FAM169A: variants seen among roughly 807,000 people sequenced by gnomAD.
FAM169A encodes family with sequence similarity 169 member A.
In FAM169A, 24 loss-of-function variants were observed where a neutral mutation model predicts 75.7. The ratio of observed to expected loss-of-function variants is 0.32; its 90% CI spans 0.23 to 0.45. The LOEUF (loss-of-function observed/expected upper bound fraction) is 0.45. Ranked by LOEUF, FAM169A falls within the 20% of genes least tolerant of loss-of-function variation. FAM169A has a pLI of 1.00. For synonymous variants in FAM169A, 271 were observed against 271.0 expected, an observed-to-expected ratio of 1.00 and a Z score of 0.00; for missense variants, 673 against 784.0, an observed-to-expected ratio of 0.86 and a Z score of 1.69.
At chr5:74,796,445 GCC>G (rs1260707909) in intron 10 of FAM169A, among the ~76,000 whole-genome samples, 2 of 148,284 alleles carry the variant, frequency 1.3e-5, no homozygotes, top group East Asian at 4.0e-4. Flanking sequence ...TCGCTCTGTT[GCC>G]CAGGCTGGAG....
chr5:74,792,071 G>A (rs1454634992), intron 11 of FAM169A, among the ~76,000 whole-genome samples: 2 of 152,068 alleles, frequency 1.3e-5, no homozygotes, highest in African/African-American at 4.8e-5. Flanking sequence ...TTTGGGTTGG[G>A]GGTTTCCACT....
chr5:74,824,702 CACACAT>C (rs1483745318), intron 5 of FAM169A, among the ~76,000 whole-genome samples: 1 of 124,762 alleles, frequency 8.0e-6, no homozygotes, highest in African/African-American at 4.5e-5. Context: ...TCCTGATACA[CACACAT>C]ACACACACAC....
intron 5 of FAM169A, among the ~76,000 whole-genome samples, chr5:74,818,363 G>A (rs1202912968): frequency 6.6e-6 from 1 of 152,148 alleles, no homozygotes; most frequent in Middle Eastern, 3.2e-3. Context: ...GGACTGTGGG[G>A]TAAAGGAAAT....
In FAM169A at chr5:74,813,884, T is replaced by A; in HGVS notation, c.626A>T (p.Asp209Val). ...CAGTGGATACCGCAAGCCAAGCGCA[T>A]CTTCTGTAAAGGAATCAACAAAGTC... ...LEDFVDSFTEDALGLRYPLSS... is the reference protein window; with the variant it reads ...LEDFVDSFTEVALGLRYPLSS... Residue 209 changes from aspartate (D) to valine (V), a missense_variant, in exon 6 of 13, where the codon GAT becomes GTT. Physicochemically the swap from Asp to Val is radical, Grantham distance 152 (BLOSUM62 -3). Transcript: ENST00000687041. 1 of 1,604,462 alleles carries A rather than the reference T, an allele frequency of 6.2e-7. No individual in the cohort carries two copies. The highest frequency in any genetic ancestry group is 2.2e-5 in the East Asian group (1 of 44,598).
rs542089468 is a variant in FAM169A, at chr5:74,788,632, G to A, written c.1261-5498C>T. On this transcript the variant is annotated intron_variant, in intron 11 of 12. Transcript: ENST00000687041. The stretch of plus-strand genomic sequence containing the variant: ...AGACAGGAGAATCGCTTGAACCTAC[G>A]AGGTGGAGGTTGCGGTGAGCCAAGA... 3.3e-5 allele frequency among the ~76,000 whole-genome samples: 5 copies of A among 152,034 alleles called. No individual in the cohort carries two copies. In the East Asian group the frequency reaches 9.7e-4, roughly 29 times the overall value.
At chr5:74,793,474 G>A (rs777837842) in intron 11 of FAM169A, among the ~76,000 whole-genome samples, 5 of 152,092 alleles carry the variant, frequency 3.3e-5, no homozygotes, top group Admixed American at 6.6e-5. Context: ...ACCAAACATC[G>A]TATGTTCTCA....
chr5:74,799,699 AGT>A, intron 10 of FAM169A: 1 of 1,256,100 alleles, frequency 8.0e-7, no homozygotes, highest in South Asian at 1.2e-5. Flanking sequence ...TGCCTCAAAA[AGT>A]GTGCATGTCT....
At chr5:74,785,592 C>T in intron 11 of FAM169A, among the ~76,000 whole-genome samples, 1 of 152,096 alleles carries the variant, frequency 6.6e-6, no homozygotes, top group East Asian at 1.9e-4. Flanking sequence ...GCAAAAACCC[C>T]ATCTCTACTG....
intron 8 of FAM169A, among the ~76,000 whole-genome samples, chr5:74,803,480 A>C (rs898421762): frequency 6.6e-6 from 1 of 152,142 alleles, no homozygotes; most frequent in African/African-American, 2.4e-5. Context: ...AAATAAGCAC[A>C]AATAATTCCC....
chr5:74,836,472 A>G (rs1580145156), intron 4 of FAM169A, among the ~76,000 whole-genome samples: 1 of 152,230 alleles, frequency 6.6e-6, no homozygotes, highest in East Asian at 1.9e-4. Context: ...TCCCGTCCAT[A>G]TAATTGAGCA....
chr5:74,829,159 T>C (rs188108480), intron 5 of FAM169A, among the ~76,000 whole-genome samples: 1 of 152,312 alleles, frequency 6.6e-6, no homozygotes, highest in Admixed American at 6.5e-5. Context: ...TTCTGTGTCA[T>C]AAAAAGGCTT....
At chr5:74,834,138 G>A (rs1242715501) in intron 5 of FAM169A, among the ~76,000 whole-genome samples, 5 of 152,074 alleles carry the variant, frequency 3.3e-5, no homozygotes, top group Admixed American at 6.6e-5. Flanking sequence ...AAATGTGAGG[G>A]CTAGAAGATA....
intron 1 of FAM169A, among the ~76,000 whole-genome samples, chr5:74,855,318 C>T (rs574021046): frequency 2.6e-5 from 4 of 152,316 alleles, no homozygotes; most frequent in East Asian, 1.9e-4. Flanking sequence ...ACCTCAGCCT[C>T]CCCAGTAGCT....
intron 1 of FAM169A, among the ~76,000 whole-genome samples, chr5:74,852,282 C>T (rs1411543575): frequency 6.6e-6 from 1 of 152,114 alleles, no homozygotes; most frequent in East Asian, 1.9e-4. Flanking sequence ...CAATTCTGTG[C>T]TTTTGGGCCT....
chr5:74,841,916 C>T (rs991466707), intron 1 of FAM169A, among the ~76,000 whole-genome samples: 1 of 152,186 alleles, frequency 6.6e-6, no homozygotes, highest in South Asian at 2.1e-4. Flanking sequence ...TTAACAGATA[C>T]GTCCTTACAT....
chr5:74,789,310 T>G (rs1470446016), intron 11 of FAM169A, among the ~76,000 whole-genome samples: 2 of 152,192 alleles, frequency 1.3e-5, no homozygotes, highest in African/African-American at 4.8e-5. Flanking sequence ...TCAGGGACCT[T>G]CTACCTCAGT....
chr5:74,840,443 T>C (rs1748797906), intron 2 of FAM169A, among the ~76,000 whole-genome samples: 1 of 151,314 alleles, frequency 6.6e-6, no homozygotes, highest in African/African-American at 2.4e-5. Flanking sequence ...AGCTATAATA[T>C]GGCCCATAAA....
chr5:74,779,779 T>C lies in FAM169A; in HGVS notation c.*1681A>G, dbSNP rs1425704218. 1.3e-5 allele frequency: 2 copies of C among 152,212 alleles called. No homozygotes were observed. 9.4% of individuals were successfully genotyped at this position (152,212 alleles called of 1,614,324 possible). ...AAAATCTAACACAAATAGGAGCGTT[T>C]ACTATTTTTGTCTGCTTTAAGATTT... On this transcript the variant is annotated 3_prime_UTR_variant, in exon 13 of 13. Coordinates refer to ENST00000687041, the MANE Select transcript of FAM169A (RefSeq NM_001376049.1).
chr5:74,838,988 G>A lies in FAM169A; in HGVS notation c.295C>T (p.Pro99Ser). 2 of 1,613,544 alleles carry A rather than the reference G, an allele frequency of 1.2e-6. No individual in the cohort carries two copies. Among genetic ancestry groups the A allele is most frequent in the Non-Finnish European group, 8.5e-7 (1 of 1,179,566 alleles). The change falls in exon 4 of 13, where the codon CCT (proline) becomes TCT (serine). Residue 99 changes from proline (P) to serine (S), a missense_variant. Pro to Ser is a moderately conservative substitution (Grantham distance 74). Coordinates refer to ENST00000687041, the MANE Select transcript of FAM169A (RefSeq NM_001376049.1). The stretch of plus-strand genomic sequence containing the variant: ...ACCTGCTTAAGCCCCTCTCTTGAAG[G>A]AACAGATGTTTTCACAATATCATCA... The part of the protein sequence containing the change: ...AIDDIVKTSV[P>S]SREGLKQVST...
Sources: gnomAD v4.1 joint callset for allele counts (sites outside exome capture counted in the v4.1 genomes callset) on GRCh38, gnomAD v4.1.1 for gene constraint, MANE v1.5 for transcripts, NCBI Gene and HGNC (gene_info 2026-07-23, HGNC 2026-07-21) for gene names.